Variants in SLC15A5 observed in about 807,000 individuals in gnomAD.
SLC15A5 encodes the protein Peptide/histidine transporter ENSP00000340402.
In SLC15A5, 58 loss-of-function variants were observed where a neutral mutation model predicts 56.1. That is an observed-to-expected ratio of 1.03 (90% CI 0.84 to 1.29). The LOEUF (loss-of-function observed/expected upper bound fraction) is 1.29, where lower values mean the gene tolerates loss of function less well. Among genes scored for constraint, SLC15A5 ranks in the 50% most tolerant of loss-of-function variants. The probability of loss-of-function intolerance (pLI) is 0.00; values close to 1 mark genes in which losing one functional copy is unlikely to be tolerated. For missense variants in SLC15A5, 681 were observed against 672.1 expected (o/e 1.01, Z -0.15); for synonymous variants, 264 against 250.5 (o/e 1.05, Z -0.51).
chr12:16,204,435 CA>C lies in SLC15A5; in HGVS notation c.1484-9983del, dbSNP rs34486958. 2.2e-3 allele frequency among the ~76,000 whole-genome samples: 295 copies of C among 136,464 alleles called. 1 individual carries two copies. Among genetic ancestry groups the C allele is most frequent in the African/African-American group, 7.1e-3 (256 of 36,238 alleles). The allele number at this position is 136,464 out of a possible 152,430, so 89.5% of individuals were successfully genotyped here. On this transcript the variant is annotated intron_variant, in intron 7 of 8. Coordinates refer to ENST00000344941, the MANE Select transcript of SLC15A5 (RefSeq NM_001170798.1). ...TAGGCAACAGAGCGAGACACTGTCT[CA>C]AAAAAAAAAAAATTGGAGAAAAAAT... is the stretch of plus-strand genomic sequence containing the variant.
At chr12:16,204,152 TTAAAA>T (rs1473798842) in intron 7 of SLC15A5, among the ~76,000 whole-genome samples, 2 of 152,204 alleles carry the variant, frequency 1.3e-5, no homozygotes, top group Non-Finnish European at 1.5e-5. Flanking sequence ...ACTCATTTTA[TTAAAA>T]TAAAAATAGG....
chr12:16,249,845 G>C (rs1236027427), intron 3 of SLC15A5, among the ~76,000 whole-genome samples: 1 of 152,004 alleles, frequency 6.6e-6, no homozygotes, highest in Non-Finnish European at 1.5e-5. Flanking sequence ...CAAATTATTT[G>C]ATAATTGGAC....
intron 7 of SLC15A5, 71 bp downstream of exon 7, chr12:16,216,822 T>G: frequency 7.4e-7 from 1 of 1,354,318 alleles, no homozygotes; most frequent in Non-Finnish European, 9.7e-7. Flanking sequence ...AGCCCCTTTC[T>G]TAAGATTTGG....
At chr12:16,272,875 A>G in intron 1 of SLC15A5, 92 bp from the exon 2 acceptor site, 2 of 1,104,740 alleles carry the variant, frequency 1.8e-6, no homozygotes, top group Non-Finnish European at 2.6e-6. Context: ...TGACAGTGGC[A>G]TCATTTTGTG....
chr12:16,251,574 A>G (rs1297520925), intron 3 of SLC15A5, among the ~76,000 whole-genome samples: 2 of 151,942 alleles, frequency 1.3e-5, no homozygotes, highest in African/African-American at 4.8e-5. Context: ...AATCTAGAAG[A>G]AATGGATAGC....
intron 7 of SLC15A5, among the ~76,000 whole-genome samples, chr12:16,211,767 G>A (rs1051186194): frequency 6.6e-6 from 1 of 152,088 alleles, no homozygotes; most frequent in Non-Finnish European, 1.5e-5. Context: ...GTTTAGTCTT[G>A]TATCTTCTCC....
At chr12:16,250,302 A>C (rs918992318) in intron 3 of SLC15A5, among the ~76,000 whole-genome samples, 2 of 152,060 alleles carry the variant, frequency 1.3e-5, no homozygotes, top group Non-Finnish European at 2.9e-5. Context: ...GTGGTAAATA[A>C]AATGGTAAAG....
In SLC15A5 at chr12:16,272,543, C is replaced by G. The variant is rs1401711661; in HGVS notation, c.584+18G>C. The stretch of plus-strand genomic sequence containing the variant: ...AATGGTCATAAGCCTCTTTTCTCTC[C>G]TAGCCAGTGCTACTTACCAGTTAAA... On this transcript the variant is annotated intron_variant, in intron 2 of 8. Transcript: ENST00000344941. 2 of 1,534,720 alleles carry G rather than the reference C, an allele frequency of 1.3e-6. No individual in the cohort carries two copies. Among genetic ancestry groups the G allele is most frequent in the Non-Finnish European group, 8.7e-7 (1 of 1,144,826 alleles).
intron 7 of SLC15A5, among the ~76,000 whole-genome samples, chr12:16,201,455 C>G (rs1863954972): frequency 6.6e-6 from 1 of 152,086 alleles, no homozygotes; most frequent in African/African-American, 2.4e-5. Context: ...TGATTTTTGA[C>G]AAAGGTGCCA....
chr12:16,235,056 A>G lies in SLC15A5; in HGVS notation c.1162+4625T>C, dbSNP rs1023664702. Among the ~76,000 whole-genome samples the G allele has an allele frequency of 6.6e-6, 1 of 151,950 alleles. No homozygotes were observed. Among genetic ancestry groups the G allele is most frequent in the Non-Finnish European group, 1.5e-5 (1 of 67,944 alleles). ...GATAGGAAATTTGCTCAGTGTTAAT[A>G]TATCATTCAGTGTTCATGAACTACT... is the stretch of plus-strand genomic sequence containing the variant. On this transcript the variant is annotated intron_variant, in intron 5 of 8. Coordinates refer to ENST00000344941, the MANE Select transcript of SLC15A5 (RefSeq NM_001170798.1). The surrounding 1 kb of genome is among the most constrained non-coding windows in gnomAD (Gnocchi z 4.1).
chr12:16,232,007 T>C (rs897907108), intron 5 of SLC15A5, among the ~76,000 whole-genome samples: 4 of 152,232 alleles, frequency 2.6e-5, no homozygotes, highest in Admixed American at 6.5e-5. Context: ...GTCTCACTTA[T>C]GTACAAAGTC....
chr12:16,227,680 G>A (rs559957013), intron 5 of SLC15A5, among the ~76,000 whole-genome samples: 1 of 152,276 alleles, frequency 6.6e-6, no homozygotes, highest in African/African-American at 2.4e-5. Context: ...CAGATCATAA[G>A]AAGCATTTAA....
chr12:16,205,608 CA>C (rs1864011251), intron 7 of SLC15A5, among the ~76,000 whole-genome samples: 1 of 124,872 alleles, frequency 8.0e-6, no homozygotes, highest in African/African-American at 3.0e-5. Flanking sequence ...CACACACACA[CA>C]CATATATATA....
intron 2 of SLC15A5, among the ~76,000 whole-genome samples, chr12:16,270,340 G>T (rs1200488030): frequency 1.3e-5 from 2 of 152,128 alleles, no homozygotes; most frequent in Non-Finnish European, 2.9e-5. Flanking sequence ...CCTTCAAGTG[G>T]TTACAGATTC....
rs559584244 is a variant in SLC15A5 at position 16,244,718 on chromosome 12, G to A, written c.837C>T (p.Asp279=). The A allele has an allele frequency of 5.1e-5, 79 of 1,537,564 alleles. No homozygotes were observed. The highest frequency in any genetic ancestry group is 6.5e-5 in the Non-Finnish European group (75 of 1,146,984). Residue 279 remains aspartate, a synonymous_variant, in exon 4 of 9, where the codon GAC becomes GAT. Coordinates refer to ENST00000344941, the MANE Select transcript of SLC15A5 (RefSeq NM_001170798.1). ...CHPQYCHLGR[D]VTSQLDHAKE... The stretch of plus-strand genomic sequence containing the variant: ...TGGCATGGTCTAACTGGCTTGTCAC[G>A]TCTCTGCCAAGATGGCAGTATTGCG...
rs908499920 is a variant in SLC15A5 at position 16,235,090 on chromosome 12, G to A, written c.1162+4591C>T. On this transcript the variant is annotated intron_variant, in intron 5 of 8. Coordinates refer to ENST00000344941, the MANE Select transcript of SLC15A5 (RefSeq NM_001170798.1). The surrounding 1 kb of genome is among the most constrained non-coding windows in gnomAD (Gnocchi z 4.1). ...AGTGTTCATGAACTACTCTCATAAA[G>A]ACAGCTATAATTTTATTGTCTTATG... is the stretch of plus-strand genomic sequence containing the variant. 6.6e-6 allele frequency among the ~76,000 whole-genome samples: 1 copy of A among 151,868 alleles called. No individual in the cohort carries two copies. Among genetic ancestry groups the A allele is most frequent in the African/African-American group, 2.4e-5 (1 of 41,382 alleles).
chr12:16,265,115 G>T (rs966921189), intron 2 of SLC15A5, among the ~76,000 whole-genome samples: 5 of 152,170 alleles, frequency 3.3e-5, no homozygotes, highest in Non-Finnish European at 5.9e-5. Context: ...CTTGTTTTCA[G>T]TGGAAAGATT....
chr12:16,201,163 A>G (rs1863951229), intron 7 of SLC15A5, among the ~76,000 whole-genome samples: 1 of 152,184 alleles, frequency 6.6e-6, no homozygotes, highest in South Asian at 2.1e-4. Flanking sequence ...AAAAAGTTAC[A>G]AAGAATTACT....
chr12:16,272,456 C>A (rs1166269867), intron 2 of SLC15A5, 105 bp downstream of exon 2: 11 of 1,033,652 alleles, frequency 1.1e-5, no homozygotes, highest in Non-Finnish European at 1.6e-5. Context: ...CATCACTTAG[C>A]CCAATTCATC....
Sources: gnomAD v4.1 joint callset for allele counts (sites outside exome capture counted in the v4.1 genomes callset) on GRCh38, gnomAD v4.1.1 for gene constraint, Gnocchi (gnomAD v3.1) non-coding constraint, MANE v1.5 for transcripts, NCBI Gene and HGNC (gene_info 2026-07-23, HGNC 2026-07-21) for gene names.